The following CPSF4 variants were observed in gnomAD, a reference collection of about 807,000 sequenced individuals.
CPSF4 encodes the protein cleavage and polyadenylation specificity factor subunit 4.
In CPSF4, 11 loss-of-function variants were observed where a neutral mutation model predicts 37.7. The observed-to-expected ratio is 0.29, with a 90% confidence interval of 0.18 to 0.48. The LOEUF is 0.48. CPSF4 is among the 20% of genes least tolerant of loss of function. The probability of loss-of-function intolerance (pLI) is 0.99; values close to 1 mark genes in which losing one functional copy is unlikely to be tolerated. For missense variants in CPSF4, 144 were observed against 359.5 expected (o/e 0.40, Z 4.85); for synonymous variants, 132 against 135.9 (o/e 0.97, Z 0.20).
At chr7:99,442,334 T>C (rs1391764217) in intron 1 of CPSF4, among the ~76,000 whole-genome samples, 1 of 152,062 alleles carries the variant, frequency 6.6e-6, no homozygotes, top group African/African-American at 2.4e-5. Flanking sequence ...CTGTGCTTTT[T>C]TTTTCTTTTC....
At chr7:99,439,226 A>ACCCGGGACCCGCTCCTCTGTGAT (rs1220377098) in intron 1 of CPSF4, 41 bp downstream of exon 1, 4 of 1,427,638 alleles carry the variant, frequency 2.8e-6, no homozygotes, top group East Asian at 2.4e-5. Context: ...AGCGACTCGA[A>ACCCGGGACCCGCTCCTCTGTGAT]CCCGGGACCC....
chr7:99,456,073 G>A (rs979562623), intron 7 of CPSF4, among the ~76,000 whole-genome samples: 3 of 152,248 alleles, frequency 2.0e-5, no homozygotes, highest in Non-Finnish European at 2.9e-5. Context: ...CAGGTGCCAC[G>A]GGCTTCTCTT....
intron 6 of CPSF4, 177 bp downstream of exon 6, chr7:99,452,617 G>C (rs545134629): frequency 1.7e-6 from 1 of 601,562 alleles, no homozygotes; most frequent in South Asian, 1.9e-5. Context: ...TCCCTCGAGA[G>C]ACGGAGGGCC....
rs1798057302 is a variant in CPSF4 at position 99,453,200 on chromosome 7, C to T, written c.570+760C>T. Reference sequence around the variant, plus strand: ...CCAACAGGCCCATCAAGCCCAACCACCTCCTGAGCCCAATGCCTCACCTCC... The same window carrying T: ...CCAACAGGCCCATCAAGCCCAACCATCTCCTGAGCCCAATGCCTCACCTCC... On this transcript the variant is annotated intron_variant, in intron 6 of 7. Transcript: ENST00000292476. The surrounding 1 kb of genome is among the most constrained non-coding windows in gnomAD (Gnocchi z 4.7). 6.6e-6 allele frequency: 1 copy of T among 152,530 alleles called. No individual in the cohort carries two copies. Among genetic ancestry groups the T allele is most frequent in the African/African-American group, 2.4e-5 (1 of 41,466 alleles). 9.4% of individuals were successfully genotyped at this position (152,530 alleles called of 1,614,324 possible). A position where few individuals can be genotyped will look rare whatever the true frequency, so the allele number is the denominator to read the frequency against.
At chr7:99,444,584 T>C (rs920142221) in intron 1 of CPSF4, among the ~76,000 whole-genome samples, 1 of 152,202 alleles carries the variant, frequency 6.6e-6, no homozygotes, top group Non-Finnish European at 1.5e-5. Context: ...GTTCTCAATG[T>C]ATGTGTCTCA....
Position 99,448,058 on chromosome 7 carries a change from G to C in CPSF4, c.155-63G>C. 2.6e-6 allele frequency: 4 copies of C among 1,567,070 alleles called. No homozygotes were observed. Among genetic ancestry groups the C allele is most frequent in the Non-Finnish European group, 3.5e-6 (4 of 1,147,784 alleles). On this transcript the variant is annotated intron_variant, in intron 2 of 7. Transcript: ENST00000292476. The surrounding 1 kb of genome is among the most constrained non-coding windows in gnomAD (Gnocchi z 4.4). ...AAGTGAAGGTACCTCAGCTTCTTCA[G>C]GCCGTGTCCCCCAGGCTCAGGGTGG...
intron 1 of CPSF4, chr7:99,439,426 T>G: frequency 2.3e-6 from 1 of 436,224 alleles, no homozygotes; most frequent in Admixed American, 4.3e-5. Flanking sequence ...GTCCCGAGAC[T>G]CTTCCCACTC....
intron 2 of CPSF4, 75 bp downstream of exon 2, chr7:99,444,914 C>A: frequency 2.3e-6 from 3 of 1,289,546 alleles, no homozygotes; most frequent in Non-Finnish European, 3.4e-6. Flanking sequence ...GACTTGGAGG[C>A]CGCCAGGTCT....
intron 2 of CPSF4, among the ~76,000 whole-genome samples, chr7:99,445,544 C>T (rs183705371): frequency 2.1e-3 from 318 of 152,336 alleles, no homozygotes; most frequent in Non-Finnish European, 3.9e-3. Context: ...ACCCCTCTGG[C>T]TGTGCTCTTT....
In CPSF4 at chr7:99,453,185, C is replaced by T. The variant is rs1205158527; in HGVS notation, c.570+745C>T. ...CATCAGGCAGGGTTCCCAACAGGCC[C>T]ATCAAGCCCAACCACCTCCTGAGCC... On this transcript the variant is annotated intron_variant, in intron 6 of 7. Coordinates refer to ENST00000292476, the MANE Select transcript of CPSF4 (RefSeq NM_006693.4). This position sits in a 1 kb window ranked among gnomAD's most constrained non-coding sequence, Gnocchi z 4.7. The T allele has an allele frequency of 2.6e-5, 4 of 152,622 alleles. No individual in the cohort carries two copies. In the East Asian group the frequency reaches 7.7e-4, roughly 29 times the overall value. 9.5% of individuals were successfully genotyped at this position (152,622 alleles called of 1,614,324 possible).
At chr7:99,452,709 TG>T (rs1798023130) in intron 6 of CPSF4, 1 of 455,924 alleles carries the variant, frequency 2.2e-6, no homozygotes, top group Non-Finnish European at 4.0e-6. Context: ...CGTTGTGAGA[TG>T]GGGCTAACCT....
intron 5 of CPSF4, 65 bp downstream of exon 5, chr7:99,450,860 C>A: frequency 8.3e-7 from 1 of 1,208,666 alleles, no homozygotes; most frequent in African/African-American, 1.5e-5. Context: ...CCCTCCGTAT[C>A]TTCCCTGGGC....
rs1342218733 is a variant in CPSF4, at chr7:99,448,438, G to A, written c.307+165G>A. On this transcript the variant is annotated intron_variant, in intron 3 of 7. Transcript: ENST00000292476. The surrounding 1 kb of genome is among the most constrained non-coding windows in gnomAD (Gnocchi z 4.4). ...CCTCAGCCAGCTTTTAGGGGACAGT[G>A]TGGCTATTTTCTGCTCATCTCTTTT... is the stretch of plus-strand genomic sequence containing the variant. 1 of 575,136 alleles carries A rather than the reference G, an allele frequency of 1.7e-6. No individual in the cohort carries two copies. The highest frequency in any genetic ancestry group is 2.9e-6 in the Non-Finnish European group (1 of 345,458). The allele number at this position is 575,136 out of a possible 1,614,324, so 35.6% of individuals were successfully genotyped here.
rs1296326927 is a variant in CPSF4, at chr7:99,448,334, C to T, written c.307+61C>T. The T allele has an allele frequency of 1.3e-5, 21 of 1,556,662 alleles. No homozygotes were observed. Among genetic ancestry groups the T allele is most frequent in the Non-Finnish European group, 1.8e-5 (20 of 1,140,136 alleles). On this transcript the variant is annotated intron_variant, in intron 3 of 7. Coordinates refer to ENST00000292476, the MANE Select transcript of CPSF4 (RefSeq NM_006693.4). The surrounding 1 kb of genome is among the most constrained non-coding windows in gnomAD (Gnocchi z 4.4). ...ACCAGGGTGCAGAGGGGTCCGCTGG[C>T]TGCTCAGTGCCCACACTGTCTCTGC...
chr7:99,439,314 C>G, intron 1 of CPSF4, 129 bp downstream of exon 1: 1 of 639,954 alleles, frequency 1.6e-6, no homozygotes, highest in Non-Finnish European at 2.6e-6. Context: ...GGGACCCCTC[C>G]CCTTTGGTCG....
Position 99,448,463 on chromosome 7 carries a change from T to A in CPSF4, c.307+190T>A. 1 of 503,584 alleles carries A rather than the reference T, an allele frequency of 2.0e-6. No individual in the cohort carries two copies. The highest frequency in any genetic ancestry group is 3.4e-6 in the Non-Finnish European group (1 of 291,146). 31.2% of individuals were successfully genotyped at this position (503,584 alleles called of 1,614,324 possible). A position where few individuals can be genotyped will look rare whatever the true frequency, so the allele number is the denominator to read the frequency against. On this transcript the variant is annotated intron_variant, in intron 3 of 7. Coordinates refer to ENST00000292476, the MANE Select transcript of CPSF4 (RefSeq NM_006693.4). This position sits in a 1 kb window ranked among gnomAD's most constrained non-coding sequence, Gnocchi z 4.4. ...GTGGCTATTTTCTGCTCATCTCTTT[T>A]TTTTTTTTTTTTTTTTTAAAGACAT...
intron 1 of CPSF4, chr7:99,443,430 C>A: frequency 1.5e-6 from 2 of 1,371,060 alleles, no homozygotes; most frequent in Non-Finnish European, 2.1e-6. Flanking sequence ...CTCCAAACCA[C>A]AAGAAGACAT....
At position 99,453,954 on chromosome 7, in the gene CPSF4, A is replaced by G; in HGVS notation, c.571-12A>G. 1 of 1,613,324 alleles carries G rather than the reference A, an allele frequency of 6.2e-7. No individual in the cohort carries two copies. The highest frequency in any genetic ancestry group is 8.5e-7 in the Non-Finnish European group (1 of 1,179,438). On this transcript the variant is annotated splice_polypyrimidine_tract_variant and intron_variant, in intron 6 of 7. Coordinates refer to ENST00000292476, the MANE Select transcript of CPSF4 (RefSeq NM_006693.4). This position sits in a 1 kb window ranked among gnomAD's most constrained non-coding sequence, Gnocchi z 4.7. ...TTTCCACAGTAAAACCGTGTTGTGT[A>G]ACTCTTTCCAGCAAAGTAACAATCC...
chr7:99,456,304 A>T (rs1798305983), intron 7 of CPSF4, 128 bp from the exon 8 acceptor site: 1 of 775,492 alleles, frequency 1.3e-6, no homozygotes, highest in Admixed American at 2.1e-5. Context: ...TGAGAATTTC[A>T]GAGTCATGTC....
Sources: gnomAD v4.1 joint callset for allele counts (sites outside exome capture counted in the v4.1 genomes callset) on GRCh38, gnomAD v4.1.1 for gene constraint, Gnocchi (gnomAD v3.1) non-coding constraint, MANE v1.5 for transcripts, NCBI Gene and HGNC (gene_info 2026-07-23, HGNC 2026-07-21) for gene names.